KHDRBS2: variants seen among roughly 807,000 people sequenced by gnomAD.
KHDRBS2 encodes the protein KH RNA binding domain containing, signal transduction associated 2.
In KHDRBS2, 26 loss-of-function variants were observed where a neutral mutation model predicts 44.3. The ratio of observed to expected loss-of-function variants is 0.59; its 90% confidence interval spans 0.43 to 0.81. KHDRBS2 has a LOEUF of 0.81. Among genes scored for constraint, KHDRBS2 ranks in the 40% least tolerant of loss-of-function variants. The probability of loss-of-function intolerance (pLI) is 0.00; values close to 1 mark genes in which losing one functional copy is unlikely to be tolerated. For synonymous variants in KHDRBS2, 194 were observed against 151.1 expected, an observed-to-expected ratio of 1.28 and a Z score of -2.08; for missense variants, 476 against 433.1, an observed-to-expected ratio of 1.10 and a Z score of -0.88.
the KHDRBS2 span, among the ~76,000 whole-genome samples, chr6:61,556,872 A>ATTTTT: frequency 3.1e-4 from 27 of 87,500 alleles, no homozygotes; most frequent in Non-Finnish European, 3.8e-4. Context: ...TGAAATTGAG[A>ATTTTT]TTTTTTTTTT....
intron 1 of KHDRBS2, among the ~76,000 whole-genome samples, chr6:62,252,903 A>G (rs1252812312): frequency 3.9e-5 from 6 of 152,030 alleles, no homozygotes; most frequent in Non-Finnish European, 7.4e-5. Context: ...CCCACAAAAT[A>G]GAAACTGCAT....
At chr6:62,004,362 A>G (rs938052074) in intron 3 of KHDRBS2, among the ~76,000 whole-genome samples, 3 of 152,140 alleles carry the variant, frequency 2.0e-5, no homozygotes, top group Admixed American at 1.3e-4. Flanking sequence ...CCATCAGATA[A>G]TACTATAAAC....
At chr6:62,136,997 T>TA (rs1811682447) in intron 2 of KHDRBS2, among the ~76,000 whole-genome samples, 2 of 41,290 alleles carry the variant, frequency 4.8e-5, no homozygotes, top group African/African-American at 1.7e-4. Context: ...TCTTTTCTTT[T>TA]TTTTTTTTTT....
chr6:62,170,759 C>T (rs573208533), intron 2 of KHDRBS2, among the ~76,000 whole-genome samples: 31 of 152,158 alleles, frequency 2.0e-4, no homozygotes, highest in African/African-American at 7.0e-4. Flanking sequence ...CCCAGCACAG[C>T]AGGTTCCTAA....
At chr6:62,145,655 A>G (rs897504591) in intron 2 of KHDRBS2, among the ~76,000 whole-genome samples, 8 of 151,870 alleles carry the variant, frequency 5.3e-5, no homozygotes, top group African/African-American at 1.9e-4. Context: ...TTAACACATC[A>G]ATGTTAACTG....
At chr6:62,177,490 C>T (rs561826426) in intron 1 of KHDRBS2, among the ~76,000 whole-genome samples, 178 bp from the exon 2 acceptor site, 41 of 151,500 alleles carry the variant, frequency 2.7e-4, no homozygotes, top group African/African-American at 9.4e-4. Flanking sequence ...AATGCTGCTA[C>T]TGTATGTAAG....
chr6:62,138,902 T>G (rs1812145354), intron 2 of KHDRBS2, among the ~76,000 whole-genome samples: 1 of 152,326 alleles, frequency 6.6e-6, no homozygotes, highest in Non-Finnish European at 1.5e-5. Flanking sequence ...AAAGTAAGAG[T>G]GTAAAATTGG....
At chr6:62,255,603 AAAACACACAC>A (rs1172578850) in intron 1 of KHDRBS2, among the ~76,000 whole-genome samples, 8 of 93,280 alleles carry the variant, frequency 8.6e-5, no homozygotes, top group Non-Finnish European at 1.4e-4. Context: ...CTCATGCTTT[AAAACACACAC>A]ACACACACAC....
At chr6:61,939,765 A>G (rs1286437911) in intron 4 of KHDRBS2, among the ~76,000 whole-genome samples, 1 of 152,240 alleles carries the variant, frequency 6.6e-6, no homozygotes, top group Non-Finnish European at 1.5e-5. Context: ...AACTCTGGAA[A>G]GAAACCAAAG....
At chr6:61,863,061 A>G (rs1322492702) in intron 6 of KHDRBS2, among the ~76,000 whole-genome samples, 3 of 151,722 alleles carry the variant, frequency 2.0e-5, no homozygotes, top group Admixed American at 2.0e-4. Flanking sequence ...AGATTTTGTT[A>G]TTTATATGTA....
rs187559005 is a variant in KHDRBS2, at chr6:62,218,270, T to C, written c.92-40958A>G. ...CCCAAGCCTTAAAACACGATTAAAG[T>C]GATTTTTAAAATCTCCAATGTTCTG... is the stretch of plus-strand genomic sequence containing the variant. On this transcript the variant is annotated intron_variant, in intron 1 of 8. Coordinates refer to ENST00000281156, the MANE Select transcript of KHDRBS2 (RefSeq NM_152688.4). Among the ~76,000 whole-genome samples, 22 of 152,038 alleles carry C rather than the reference T, an allele frequency of 1.4e-4. No homozygotes were observed. In the East Asian group the frequency reaches 3.7e-3, roughly 25 times the overall value.
At chr6:61,591,417 T>A in the KHDRBS2 span, among the ~76,000 whole-genome samples, 12 of 152,078 alleles carry the variant, frequency 7.9e-5, no homozygotes, top group Non-Finnish European at 1.8e-4. Context: ...CATAAATGGA[T>A]AAATGAAAAG....
intron 6 of KHDRBS2, among the ~76,000 whole-genome samples, chr6:61,762,287 G>C (rs1184596318): frequency 6.6e-6 from 1 of 152,162 alleles, no homozygotes; most frequent in East Asian, 1.9e-4. Flanking sequence ...TTTGACCTGG[G>C]AAGAGTCTAC....
rs867182108 is a variant in KHDRBS2 at position 62,216,696 on chromosome 6, C to T, written c.92-39384G>A. On this transcript the variant is annotated intron_variant, in intron 1 of 8. Transcript: ENST00000281156. Reference sequence around the variant, plus strand: ...TAATCTAAACATATTTCTTTCTCCTCTTTTTTTTTTTTTTGTTTTATTAAG... The same window carrying T: ...TAATCTAAACATATTTCTTTCTCCTTTTTTTTTTTTTTTTGTTTTATTAAG... Among the ~76,000 whole-genome samples, 598 of 140,124 alleles carry T rather than the reference C, an allele frequency of 4.3e-3. 16 individuals are homozygous for T. Among genetic ancestry groups the T allele is most frequent in the Middle Eastern group, 0.018 (5 of 272 alleles). The allele number at this position is 140,124 out of a possible 152,430, so 91.9% of individuals were successfully genotyped here. A position where few individuals can be genotyped will look rare whatever the true frequency, so the allele number is the denominator to read the frequency against.
the KHDRBS2 span, among the ~76,000 whole-genome samples, chr6:61,615,917 A>G: frequency 2.0e-5 from 3 of 152,344 alleles, no homozygotes; most frequent in South Asian, 6.2e-4. Context: ...CATTTGTAGT[A>G]TCATTTGGAT....
chr6:61,833,533 C>G (rs1792163853), intron 6 of KHDRBS2, among the ~76,000 whole-genome samples: 1 of 152,148 alleles, frequency 6.6e-6, no homozygotes, highest in Non-Finnish European at 1.5e-5. Context: ...TCACATCAAT[C>G]AACAAGGTGT....
intron 4 of KHDRBS2, among the ~76,000 whole-genome samples, chr6:61,927,426 G>T (rs1809185128): frequency 6.6e-6 from 1 of 152,052 alleles, no homozygotes; most frequent in South Asian, 2.1e-4. Context: ...CAAAATTTCA[G>T]AAGTACTCTC....
chr6:62,235,070 C>CTTT (rs10570985), intron 1 of KHDRBS2, among the ~76,000 whole-genome samples: 63 of 106,946 alleles, frequency 5.9e-4, no homozygotes, highest in Non-Finnish European at 7.8e-4. Context: ...TCCATTTAGG[C>CTTT]TTTTTTTTTT....
chr6:62,265,426 ATGTGTATG>A (rs1839035722), intron 1 of KHDRBS2, among the ~76,000 whole-genome samples: 1 of 151,752 alleles, frequency 6.6e-6, no homozygotes, highest in African/African-American at 2.4e-5. Flanking sequence ...ATGTCTGTGT[ATGTGTATG>A]TGTATGTGTG....
Sources: gnomAD v4.1 joint callset for allele counts (sites outside exome capture counted in the v4.1 genomes callset) on GRCh38, gnomAD v4.1.1 for gene constraint, MANE v1.5 for transcripts, NCBI Gene and HGNC (gene_info 2026-07-23, HGNC 2026-07-21) for gene names.